BRD7: variants seen among roughly 807,000 people sequenced by gnomAD.
BRD7 encodes bromodomain containing 7.
Under a neutral mutation model 82.1 loss-of-function variants are expected in BRD7, and 15 were observed. The observed-to-expected ratio is 0.18, with a 90% CI of 0.12 to 0.28. The LOEUF is 0.28. Ranked by LOEUF, BRD7 falls within the 10% of genes least tolerant of loss-of-function variation. BRD7 has a pLI of 1.00. For synonymous variants in BRD7, 232 were observed against 266.9 expected, an observed-to-expected ratio of 0.87 and a Z score of 1.27; for missense variants, 638 against 779.9, an observed-to-expected ratio of 0.82 and a Z score of 2.17.
chr16:50,336,412 T>C (rs970982558), intron 6 of BRD7, among the ~76,000 whole-genome samples: 1 of 152,222 alleles, frequency 6.6e-6, no homozygotes, highest in African/African-American at 2.4e-5. Flanking sequence ...CATTAGTGTT[T>C]GAAAGTTTCT....
Position 50,356,609 on chromosome 16 carries a change from T to G in BRD7, c.259-1687A>C, listed in dbSNP as rs2038741745. Among the ~76,000 whole-genome samples, 3 of 152,044 alleles carry G rather than the reference T, an allele frequency of 2.0e-5. No individual in the cohort carries two copies. In the South Asian group the frequency reaches 6.2e-4, roughly 32 times the overall value. On this transcript the variant is annotated intron_variant, in intron 2 of 16. Transcript: ENST00000394688. Reference sequence around the variant, plus strand: ...ACTTGTAATTATAAAAACATGCATGTGATATACACCAAATTCAGTACAGTG... The same window carrying G: ...ACTTGTAATTATAAAAACATGCATGGGATATACACCAAATTCAGTACAGTG...
rs1207652381 is a variant in BRD7 at position 50,318,576 on chromosome 16, C to CAGTA, written c.*631_*634dup. 4 of 152,300 alleles carry CAGTA rather than the reference C, an allele frequency of 2.6e-5. No homozygotes were observed. Among genetic ancestry groups the CAGTA allele is most frequent in the South Asian group, 2.1e-4 (1 of 4,826 alleles). 9.4% of individuals were successfully genotyped at this position (152,300 alleles called of 1,614,324 possible). A position where few individuals can be genotyped will look rare whatever the true frequency, so the allele number is the denominator to read the frequency against. On this transcript the variant is annotated 3_prime_UTR_variant, in exon 17 of 17. Transcript: ENST00000394688. ...ACTTGACCTTTGTATTTCAGATAAA[C>CAGTA]AGTAAGTAAAGTAGAAATGTCACCT...
At chr16:50,356,695 C>A (rs1232878798) in intron 2 of BRD7, among the ~76,000 whole-genome samples, 1 of 143,134 alleles carries the variant, frequency 7.0e-6, no homozygotes, top group East Asian at 2.0e-4. Context: ...TCTCTGTCTG[C>A]CCTCTTCTTT....
intron 2 of BRD7, 76 bp from the exon 3 acceptor site, chr16:50,354,998 G>C: frequency 6.8e-7 from 1 of 1,473,132 alleles, no homozygotes; most frequent in Admixed American, 2.1e-5. Flanking sequence ...ATTTTAAGGG[G>C]TAAAAAGACA....
Position 50,345,611 on chromosome 16 carries a change from T to C in BRD7, c.591+4412A>G, listed in dbSNP as rs1288348918. Among the ~76,000 whole-genome samples the C allele has an allele frequency of 4.6e-5, 7 of 151,874 alleles. No homozygotes were observed. In the East Asian group the frequency reaches 1.4e-3, roughly 29 times the overall value. ...AATGGAAAACAGAAAAAGGCAGGGG[T>C]TGCAATCCTAGTCTCTGATAAAACA... On this transcript the variant is annotated intron_variant, in intron 5 of 16. Coordinates refer to ENST00000394688, the MANE Select transcript of BRD7 (RefSeq NM_013263.5).
At position 50,336,314 on chromosome 16, in the gene BRD7, G is replaced by T. The variant is rs1268150664; in HGVS notation, c.703-1419C>A. Among the ~76,000 whole-genome samples the T allele has an allele frequency of 2.0e-5, 3 of 152,078 alleles. No homozygotes were observed. In the East Asian group the frequency reaches 5.8e-4, roughly 29 times the overall value. ...CTCTTTAGGATAAACTCTTAGAAAG[G>T]AAACAAAGTCAAAGGGAATGAATAT... On this transcript the variant is annotated intron_variant, in intron 6 of 16. Transcript: ENST00000394688.
chr16:50,363,575 A>T (rs1037839237), intron 2 of BRD7, among the ~76,000 whole-genome samples: 4 of 152,154 alleles, frequency 2.6e-5, no homozygotes, highest in African/African-American at 7.2e-5. Flanking sequence ...GAGCCTTCCT[A>T]CTCAAAACAA....
intron 2 of BRD7, among the ~76,000 whole-genome samples, chr16:50,362,854 T>A (rs895533722): frequency 2.6e-5 from 4 of 152,190 alleles, no homozygotes. Flanking sequence ...CACAAAAATG[T>A]AAATACATTT....
chr16:50,323,445 G>T, intron 12 of BRD7, 142 bp downstream of exon 12: 1 of 648,134 alleles, frequency 1.5e-6, no homozygotes, highest in East Asian at 2.8e-5. Flanking sequence ...GTCCACCCGT[G>T]GCCTCCAGCC....
intron 8 of BRD7, 80 bp downstream of exon 8, chr16:50,333,494 T>TACGCAAGCAATTTAAAAAC: frequency 6.4e-7 from 1 of 1,553,648 alleles, no homozygotes; most frequent in Non-Finnish European, 8.7e-7. Flanking sequence ...GGATTAAAAA[T>TACGCAAGCAATTTAAAAAC]ACGCAAGCAA....
rs762872868 is a variant in BRD7 at position 50,323,678 on chromosome 16, G to A, written c.1352C>T (p.Thr451Met). Residue 451 changes from threonine (T) to methionine (M), a missense_variant, in exon 12 of 17, where the codon ACG becomes ATG. By Grantham distance (81) the Thr-to-Met change is moderately conservative. This residue lies in a region of BRD7 where 402 missense variants were observed against 500.8 expected (regional missense o/e 0.80). Coordinates refer to ENST00000394688, the MANE Select transcript of BRD7 (RefSeq NM_013263.5). ...CATGACATACGGATAATCTTGGCAC[G>A]TGGCCAAAAACTCATGGATGCTGCA... ...SDFSIHEFLA[T>M]CQDYPYVMAD... is the part of the protein sequence containing the mutation. The A allele has an allele frequency of 6.2e-6, 10 of 1,613,632 alleles. No homozygotes were observed. Among genetic ancestry groups the A allele is most frequent in the Middle Eastern group, 1.7e-4 (1 of 6,056 alleles).
rs201888969 is a variant in BRD7 at position 50,341,927 on chromosome 16, T to TTC, written c.592-1843_592-1842dup. ...AAAAGCTGAGTCTTCCTGCACACTT[T>TTC]TCACACACACACACACACACACACA... On this transcript the variant is annotated intron_variant, in intron 5 of 16. Coordinates refer to ENST00000394688, the MANE Select transcript of BRD7 (RefSeq NM_013263.5). Among the ~76,000 whole-genome samples, 648 of 68,190 alleles carry TTC rather than the reference T, an allele frequency of 9.5e-3. 3 individuals are homozygous for TTC. Among genetic ancestry groups the TTC allele is most frequent in the East Asian group, 0.064 (82 of 1,280 alleles). 44.7% of individuals were successfully genotyped at this position (68,190 alleles called of 152,430 possible). A position where few individuals can be genotyped will look rare whatever the true frequency, so the allele number is the denominator to read the frequency against.
intron 4 of BRD7, 23 bp from the exon 5 acceptor site, chr16:50,350,190 A>G (rs1237769185): frequency 2.6e-6 from 4 of 1,520,226 alleles, no homozygotes; most frequent in Middle Eastern, 1.7e-4. Flanking sequence ...GCAAAAGACA[A>G]TGTAATATTT....
chr16:50,335,013 T>G, intron 6 of BRD7, 118 bp from the exon 7 acceptor site: 1 of 993,836 alleles, frequency 1.0e-6, no homozygotes, highest in African/African-American at 1.6e-5. Flanking sequence ...GAAAAACAAT[T>G]AAATGTAATC....
intron 2 of BRD7, among the ~76,000 whole-genome samples, chr16:50,357,538 C>T (rs1403101770): frequency 6.6e-6 from 1 of 152,176 alleles, no homozygotes; most frequent in Non-Finnish European, 1.5e-5. Context: ...TATGAAATAA[C>T]AGCCACAGAG....
At chr16:50,334,284 G>A (rs1349411645) in intron 7 of BRD7, among the ~76,000 whole-genome samples, 2 of 152,216 alleles carry the variant, frequency 1.3e-5, no homozygotes, top group African/African-American at 2.4e-5. Context: ...CTGACATTGG[G>A]TGGAAAACAT....
intron 1 of BRD7, 105 bp downstream of exon 1, chr16:50,368,621 C>T (rs2039249189): frequency 8.1e-7 from 1 of 1,233,950 alleles, no homozygotes; most frequent in Non-Finnish European, 1.1e-6. Context: ...CCTGGGCCTG[C>T]CGTGGGAAGG....
At chr16:50,320,589 T>A in intron 14 of BRD7, 74 bp downstream of exon 14, 1 of 1,407,960 alleles carries the variant, frequency 7.1e-7, no homozygotes, top group Non-Finnish European at 1.0e-6. Context: ...TATGTTAATC[T>A]GTACTTATGA....
rs1358466606 is a variant in BRD7 at position 50,350,223 on chromosome 16, T to C, written c.447-56A>G. ...TTTTATTCTATTACAAACAAATCTATTGGTCTAGGAGCAGAAGTCAGAGGA... is the reference window on the plus strand; with the variant it reads ...TTTTATTCTATTACAAACAAATCTACTGGTCTAGGAGCAGAAGTCAGAGGA... On this transcript the variant is annotated intron_variant, in intron 4 of 16. Coordinates refer to ENST00000394688, the MANE Select transcript of BRD7 (RefSeq NM_013263.5). 5.1e-6 allele frequency: 7 copies of C among 1,360,374 alleles called. No individual in the cohort carries two copies. The African/African-American group carries it at 6.0e-5, about 12-fold the overall frequency. The allele number at this position is 1,360,374 out of a possible 1,614,324, so 84.3% of individuals were successfully genotyped here.
Sources: gnomAD v4.1 joint callset for allele counts (sites outside exome capture counted in the v4.1 genomes callset) on GRCh38, gnomAD v4.1.1 for gene constraint, gnomAD v4.1.1 regional missense constraint, MANE v1.5 for transcripts, NCBI Gene and HGNC (gene_info 2026-07-23, HGNC 2026-07-21) for gene names.